Variants in JUP observed in about 807,000 individuals in gnomAD.
JUP encodes the protein junction plakoglobin.
JUP carries 28 observed loss-of-function variants against 71.1 expected under a neutral mutation model. The ratio of observed to expected loss-of-function variants is 0.39; its 90% CI spans 0.29 to 0.54. The LOEUF (loss-of-function observed/expected upper bound fraction) is 0.54, where lower values mean the gene tolerates loss of function less well. JUP is among the 20% of genes least tolerant of loss of function. The pLI, the probability that JUP is intolerant of heterozygous loss-of-function variation, is 0.62. For synonymous variants in JUP, 401 were observed against 438.9 expected (o/e 0.91, Z 1.08); for missense variants, 869 against 1,030.1 (o/e 0.84, Z 2.14).
intron 8 of JUP, among the ~76,000 whole-genome samples, chr17:41,762,676 C>T (rs146865521): frequency 2.1e-4 from 32 of 152,260 alleles, no homozygotes; most frequent in African/African-American, 7.2e-4. Context: ...GTTGGGATTA[C>T]AGGCATGAGC....
chr17:41,772,376 C>G (rs1916811989), intron 1 of JUP: 1 of 244,924 alleles, frequency 4.1e-6, no homozygotes, highest in African/African-American at 2.2e-5. Flanking sequence ...ACAGGTTTCT[C>G]TGGAGCGCCC....
chr17:41,775,670 G>C (rs2046847275), intron 1 of JUP, among the ~76,000 whole-genome samples: 1 of 152,210 alleles, frequency 6.6e-6, no homozygotes, highest in African/African-American at 2.4e-5. Context: ...GGGGGCCTTT[G>C]TTTAGAGCGT....
At chr17:41,762,281 C>A (rs1915026845) in intron 8 of JUP, among the ~76,000 whole-genome samples, 1 of 149,226 alleles carries the variant, frequency 6.7e-6, no homozygotes, top group South Asian at 2.1e-4. Flanking sequence ...CACTATGTTA[C>A]CCACGATGGT....
chr17:41,778,572 T>C (rs569881890), intron 1 of JUP, among the ~76,000 whole-genome samples: 2 of 105,130 alleles, frequency 1.9e-5, no homozygotes, highest in East Asian at 2.8e-4. Context: ...AAAAAAAAAA[T>C]GTTACTATAT....
At chr17:41,779,333 A>AT (rs34269111) in intron 1 of JUP, among the ~76,000 whole-genome samples, 10,869 of 100,276 alleles carry the variant, frequency 0.11, 845 homozygotes, top group African/African-American at 0.18. Flanking sequence ...AAACTTCCCA[A>AT]TTTTTTTTTT....
At chr17:41,784,279 G>T (rs558230077) in intron 1 of JUP, among the ~76,000 whole-genome samples, 38 of 152,060 alleles carry the variant, frequency 2.5e-4, no homozygotes, top group African/African-American at 8.9e-4. Flanking sequence ...AGAGGCTCCA[G>T]AGGGAATGGG....
At chr17:41,765,412 C>T (rs1196384280) in intron 5 of JUP, among the ~76,000 whole-genome samples, 1 of 151,564 alleles carries the variant, frequency 6.6e-6, no homozygotes, top group Non-Finnish European at 1.5e-5. Flanking sequence ...AGTGCAGTGG[C>T]ACGATCTCAG....
chr17:41,784,426 T>A (rs1004644095), intron 1 of JUP, among the ~76,000 whole-genome samples: 8 of 152,094 alleles, frequency 5.3e-5, no homozygotes, highest in Admixed American at 2.0e-4. Context: ...GTCCAGTCAG[T>A]GGCCAGTTTT....
intron 8 of JUP, among the ~76,000 whole-genome samples, chr17:41,759,072 CTTTTT>C (rs11404112): frequency 7.6e-6 from 1 of 131,102 alleles, no homozygotes; most frequent in Non-Finnish European, 1.6e-5. Flanking sequence ...ATGGCTAATT[CTTTTT>C]TTTTTTTTTT....
intron 1 of JUP, among the ~76,000 whole-genome samples, chr17:41,784,162 C>A (rs1276943834): frequency 1.3e-5 from 2 of 152,112 alleles, no homozygotes; most frequent in African/African-American, 4.8e-5. Context: ...ATTGACCCAT[C>A]TCACTCTAAG....
chr17:41,771,864 T>TG lies in JUP; in HGVS notation c.-8-3dup. ...GGTTCATCACCTCCATCGTGGCTAC[T>TG]GGGGGCACAAAGGAGGAAGTCAGGA... On this transcript the variant is annotated splice_region_variant and splice_polypyrimidine_tract_variant and intron_variant, in intron 1 of 13. Coordinates refer to ENST00000393931, the MANE Select transcript of JUP (RefSeq NM_002230.4). 2 of 1,604,914 alleles carry TG rather than the reference T, an allele frequency of 1.2e-6. No individual in the cohort carries two copies. The highest frequency in any genetic ancestry group is 1.7e-6 in the Non-Finnish European group (2 of 1,175,606).
At chr17:41,769,719 T>TGGGCAGACACTGGGGAGCAGGGCA (rs1555606043) in intron 2 of JUP, 42 bp from the exon 3 acceptor site, 1 of 1,594,500 alleles carries the variant, frequency 6.3e-7, no homozygotes, top group South Asian at 1.1e-5. Flanking sequence ...GGCAGTGGGC[T>TGGGCAGACACTGGGGAGCAGGGCA]GGGCAGACAC....
intron 2 of JUP, among the ~76,000 whole-genome samples, chr17:41,771,053 G>A (rs981031925): frequency 2.0e-5 from 3 of 152,186 alleles, no homozygotes; most frequent in East Asian, 1.9e-4. Flanking sequence ...TTTTTGAGAC[G>A]GAGTCTCACT....
chr17:41,759,132 G>A (rs1555600041), intron 8 of JUP, among the ~76,000 whole-genome samples: 1 of 145,590 alleles, frequency 6.9e-6, no homozygotes, highest in East Asian at 2.0e-4. Context: ...GGAGTGCAGT[G>A]GTGCAATCTC....
intron 2 of JUP, among the ~76,000 whole-genome samples, chr17:41,770,741 C>T (rs1555606503): frequency 1.3e-5 from 2 of 152,194 alleles, no homozygotes; most frequent in African/African-American, 2.4e-5. Flanking sequence ...CTTGGGCTGG[C>T]GGGGCATCCC....
chr17:41,763,971 G>A (rs1192312950), intron 7 of JUP, among the ~76,000 whole-genome samples: 2 of 152,172 alleles, frequency 1.3e-5, no homozygotes, highest in African/African-American at 4.8e-5. Context: ...ATGGCCATTA[G>A]CTCCCCGAGC....
chr17:41,755,496 A>G lies in JUP; in HGVS notation c.*248T>C. On this transcript the variant is annotated 3_prime_UTR_variant, in exon 14 of 14. Transcript: ENST00000393931. ...GGTGGACCTGCATCCCCAGAAGCTC[A>G]AGCCACTCCGTGTCACCTGCCCACC... The G allele has an allele frequency of 2.3e-6, 1 of 438,984 alleles. No homozygotes were observed. Among genetic ancestry groups the G allele is most frequent in the Non-Finnish European group, 4.0e-6 (1 of 249,844 alleles). 27.2% of individuals were successfully genotyped at this position (438,984 alleles called of 1,614,324 possible). A position where few individuals can be genotyped will look rare whatever the true frequency, so the allele number is the denominator to read the frequency against.
chr17:41,764,993 G>A lies in JUP; in HGVS notation c.984C>T (p.Leu328=), dbSNP rs782710593. ...CCTTGAGCACACGACTGGTGGTCCA[G>A]AGCAGCTTTTCATAACTGTAGTTAC... ...IMRNYSYEKL[L]WTTSRVLKVL... Residue 328 remains leucine, a synonymous_variant, in exon 6 of 14, where the codon CTC becomes CTT. Coordinates refer to ENST00000393931, the MANE Select transcript of JUP (RefSeq NM_002230.4). The A allele has an allele frequency of 5.0e-6, 8 of 1,614,166 alleles. No individual in the cohort carries two copies. Among genetic ancestry groups the A allele is most frequent in the Non-Finnish European group, 6.8e-6 (8 of 1,180,030 alleles).
At position 41,755,370 on chromosome 17, in the gene JUP, T is replaced by G. The variant is rs563439482; in HGVS notation, c.*374A>C. On this transcript the variant is annotated 3_prime_UTR_variant, in exon 14 of 14. Transcript: ENST00000393931. ...GAAGTTACACCCCGGCTTCCCCAGC[T>G]CAGGCACTTTTCTGTCTTGCCCCAT... 26 of 404,938 alleles carry G rather than the reference T, an allele frequency of 6.4e-5. No homozygotes were observed. The South Asian group carries it at 2.7e-3, about 42-fold the overall frequency. The allele number at this position is 404,938 out of a possible 1,614,324, so 25.1% of individuals were successfully genotyped here.
Sources: allele counts gnomAD v4.1 joint callset (sites outside exome capture counted in the v4.1 genomes callset), GRCh38; gene constraint gnomAD v4.1.1; transcripts MANE v1.5; gene names NCBI Gene and HGNC (gene_info 2026-07-23, HGNC 2026-07-21).